Variants in DAB1 observed in about 807,000 individuals in gnomAD.
DAB1 encodes DAB adaptor protein 1.
In DAB1, 15 loss-of-function variants were observed where a neutral mutation model predicts 64.6. That is an observed-to-expected ratio of 0.23 (90% CI 0.16 to 0.36). The LOEUF (loss-of-function observed/expected upper bound fraction) is 0.36, where lower values mean the gene tolerates loss of function less well. DAB1 is among the 10% of genes least tolerant of loss of function. The pLI, the probability that DAB1 is intolerant of heterozygous loss-of-function variation, is 1.00. For missense variants in DAB1, 596 were observed against 706.7 expected (o/e 0.84, Z 1.78); for synonymous variants, 235 against 251.9 (o/e 0.93, Z 0.64).
intron 2 of DAB1, among the ~76,000 whole-genome samples, chr1:57,182,126 C>T (rs1663025182): frequency 6.6e-6 from 1 of 152,184 alleles, no homozygotes; most frequent in Non-Finnish European, 1.5e-5. Flanking sequence ...ACCTTGTGAT[C>T]TGCCCGCCTT....
intron 1 of DAB1, among the ~76,000 whole-genome samples, chr1:57,857,853 C>CA (rs761614350): frequency 0.18 from 9,427 of 53,346 alleles, 581 homozygotes; most frequent in African/African-American, 0.34. Flanking sequence ...AATGTTCATA[C>CA]AAAAAAAAAA....
At chr1:58,074,547 C>CATATATATATAT (rs1255233127) in intron 5 of DAB1, 90 of 72,772 alleles carry the variant, frequency 1.2e-3, no homozygotes, top group African/African-American at 5.2e-3. Flanking sequence ...TATATATACA[C>CATATATATATAT]ACATATATAT....
intron 1 of DAB1, among the ~76,000 whole-genome samples, chr1:57,361,237 T>C (rs764666713): frequency 6.6e-6 from 1 of 152,286 alleles, no homozygotes; most frequent in South Asian, 2.1e-4. Flanking sequence ...ACTCAGTGTC[T>C]GGATGAATGA....
At chr1:57,363,890 A>G (rs1208417471) in intron 1 of DAB1, among the ~76,000 whole-genome samples, 3 of 152,108 alleles carry the variant, frequency 2.0e-5, no homozygotes, top group Non-Finnish European at 4.4e-5. Flanking sequence ...GCACAGAATC[A>G]CCCCATCCTA....
At chr1:57,177,015 C>T (rs142583264) in intron 2 of DAB1, among the ~76,000 whole-genome samples, 36 of 147,894 alleles carry the variant, frequency 2.4e-4, no homozygotes, top group Non-Finnish European at 3.3e-4. Context: ...CCCACATTTG[C>T]CTAAAAGCGG....
chr1:58,509,691 T>C (rs1299836731), intron 2 of DAB1, among the ~76,000 whole-genome samples: 1 of 139,352 alleles, frequency 7.2e-6, no homozygotes, highest in East Asian at 2.1e-4. Flanking sequence ...AATAAAAAAA[T>C]AGAAAAAAAT....
chr1:58,019,294 C>T (rs779078741), intron 5 of DAB1, among the ~76,000 whole-genome samples: 2 of 152,214 alleles, frequency 1.3e-5, no homozygotes, highest in Admixed American at 6.5e-5. Context: ...CTGGAACAAA[C>T]GCTATGACTT....
chr1:57,700,089 T>C (rs1254494396), intron 6 of DAB1, among the ~76,000 whole-genome samples: 1 of 152,194 alleles, frequency 6.6e-6, no homozygotes, highest in East Asian at 1.9e-4. Context: ...TTTATTTGAC[T>C]GCTCTCTCCT....
intron 2 of DAB1, among the ~76,000 whole-genome samples, chr1:57,262,184 T>C (rs1324050975): frequency 6.6e-6 from 1 of 152,240 alleles, no homozygotes; most frequent in Non-Finnish European, 1.5e-5. Context: ...CGAACCACTC[T>C]CGTCATTTCG....
rs371845030 is a variant in DAB1, at chr1:57,237,567, C to T, written c.67+53397G>A. 2.0e-5 allele frequency among the ~76,000 whole-genome samples: 3 copies of T among 152,292 alleles called. No homozygotes were observed. The South Asian group carries it at 6.2e-4, about 32-fold the overall frequency. On this transcript the variant is annotated intron_variant, in intron 2 of 14. Transcript: ENST00000371236. ...TATATTTTTCTAATATCCTGGACTA[C>T]AAGAAATACTCTAAGCGAAAATACA...
chr1:57,839,776 A>T (rs1306028051), intron 1 of DAB1, among the ~76,000 whole-genome samples: 1 of 152,204 alleles, frequency 6.6e-6, no homozygotes, highest in Non-Finnish European at 1.5e-5. Context: ...TTGTCAATCC[A>T]TCAGCTAGCC....
intron 4 of DAB1, among the ~76,000 whole-genome samples, chr1:58,291,423 A>C (rs1661833049): frequency 6.6e-6 from 1 of 152,158 alleles, no homozygotes; most frequent in Non-Finnish European, 1.5e-5. Context: ...GGAAGGCTCC[A>C]CTACTTGATT....
chr1:57,067,788 T>C (rs1651068294), intron 8 of DAB1, among the ~76,000 whole-genome samples: 1 of 152,206 alleles, frequency 6.6e-6, no homozygotes, highest in Non-Finnish European at 1.5e-5. Flanking sequence ...GAGTTGATAC[T>C]TGTACTAAAA....
intron 4 of DAB1, among the ~76,000 whole-genome samples, chr1:57,128,104 G>T (rs753866725): frequency 6.6e-6 from 1 of 151,626 alleles, no homozygotes; most frequent in Non-Finnish European, 1.5e-5. Flanking sequence ...CAGAGATCGT[G>T]CCATGGCACT....
intron 7 of DAB1, among the ~76,000 whole-genome samples, chr1:57,456,720 A>G (rs1445002679): frequency 3.9e-5 from 6 of 152,156 alleles, no homozygotes; most frequent in African/African-American, 4.8e-5. Flanking sequence ...TTATTTTAAA[A>G]TATAATGTTC....
At chr1:57,602,546 T>C (rs897431279) in intron 7 of DAB1, among the ~76,000 whole-genome samples, 10 of 152,152 alleles carry the variant, frequency 6.6e-5, no homozygotes, top group African/African-American at 1.9e-4. Flanking sequence ...TAGGATTGCA[T>C]AGCTGCAAGC....
chr1:57,270,527 A>G (rs1432512100), intron 2 of DAB1, among the ~76,000 whole-genome samples: 2 of 152,226 alleles, frequency 1.3e-5, no homozygotes, highest in African/African-American at 4.8e-5. Context: ...AGTCTGAGAG[A>G]GAAGTAAATC....
chr1:57,397,510 C>G (rs1182792257), intron 1 of DAB1, among the ~76,000 whole-genome samples: 2 of 152,130 alleles, frequency 1.3e-5, no homozygotes, highest in East Asian at 1.9e-4. Flanking sequence ...TTACCCAAAC[C>G]TGTTACTTGC....
At chr1:58,472,057 A>T (rs1416190655) in intron 3 of DAB1, among the ~76,000 whole-genome samples, 1 of 152,226 alleles carries the variant, frequency 6.6e-6, no homozygotes, top group African/African-American at 2.4e-5. Flanking sequence ...GTTAACTATT[A>T]CTATTGCCTA....
Sources: gnomAD v4.1 joint callset for allele counts (sites outside exome capture counted in the v4.1 genomes callset) on GRCh38, gnomAD v4.1.1 for gene constraint, MANE v1.5 for transcripts, NCBI Gene and HGNC (gene_info 2026-07-23, HGNC 2026-07-21) for gene names.